The following CLK3 variants were observed in gnomAD, a reference collection of about 807,000 sequenced individuals.
The protein encoded by CLK3 is dual specificity protein kinase CLK3.
A neutral mutation model predicts 65.2 loss-of-function variants in CLK3; 24 were observed. The observed-to-expected ratio is 0.37, with a 90% CI of 0.27 to 0.52. The LOEUF is 0.52. CLK3 is among the 20% of genes least tolerant of loss of function. The pLI is 0.92. For synonymous variants in CLK3, 252 were observed against 240.8 expected, an observed-to-expected ratio of 1.05 and a Z score of -0.43; for missense variants, 506 against 660.0, an observed-to-expected ratio of 0.77 and a Z score of 2.56.
Position 74,629,895 on chromosome 15 carries a change from C to T in CLK3, c.*12C>T. The T allele has an allele frequency of 6.2e-7, 1 of 1,602,340 alleles. No individual in the cohort carries two copies. Among genetic ancestry groups the T allele is most frequent in the South Asian group, 1.1e-5 (1 of 89,374 alleles). Reference sequence around the variant, plus strand: ...ACCCAAGCAGATGACAGGCACAGGCCACCGCATGAGGAGATGGAGGGCGGG... The same window carrying T: ...ACCCAAGCAGATGACAGGCACAGGCTACCGCATGAGGAGATGGAGGGCGGG... On this transcript the variant is annotated 3_prime_UTR_variant, in exon 13 of 13. Transcript: ENST00000395066.
rs2062103983 is a variant in CLK3 at position 74,621,597 on chromosome 15, G to A, written c.370-523G>A. 2 of 231,922 alleles carry A rather than the reference G, an allele frequency of 8.6e-6. No homozygotes were observed. The highest frequency in any genetic ancestry group is 1.0e-4 in the South Asian group (2 of 19,188). The allele number at this position is 231,922 out of a possible 1,614,324, so 14.4% of individuals were successfully genotyped here. ...GAACAGAGGCAGGCAAGGACAGGCTGGGCATTCTGCAGCTGAAGCCGGAGC... is the reference window on the plus strand; with the variant it reads ...GAACAGAGGCAGGCAAGGACAGGCTAGGCATTCTGCAGCTGAAGCCGGAGC... On this transcript the variant is annotated intron_variant, in intron 3 of 12. Coordinates refer to ENST00000395066, the MANE Select transcript of CLK3 (RefSeq NM_001130028.2). This position sits in a 1 kb window ranked among gnomAD's most constrained non-coding sequence, Gnocchi z 4.8.
chr15:74,629,121 T>C, intron 12 of CLK3, 89 bp downstream of exon 12: 1 of 1,002,054 alleles, frequency 1.0e-6, no homozygotes, highest in Middle Eastern at 2.0e-4. Flanking sequence ...GCCAGGCCGC[T>C]AAAGGCTGCC....
At position 74,624,897 on chromosome 15, in the gene CLK3, A is replaced by G; in HGVS notation, c.534-5A>G. 1 of 1,597,518 alleles carries G rather than the reference A, an allele frequency of 6.3e-7. No homozygotes were observed. The highest frequency in any genetic ancestry group is 8.5e-7 in the Non-Finnish European group (1 of 1,170,710). Reference sequence around the variant, plus strand: ...GAGAACCTCTGTTTCCTTCCCGGGTACCAGAGGGAAGTCTCAGGTTGCCCT... The same window carrying G: ...GAGAACCTCTGTTTCCTTCCCGGGTGCCAGAGGGAAGTCTCAGGTTGCCCT... On this transcript the variant is annotated splice_region_variant and splice_polypyrimidine_tract_variant and intron_variant, in intron 5 of 12. Coordinates refer to ENST00000395066, the MANE Select transcript of CLK3 (RefSeq NM_001130028.2). The surrounding 1 kb of genome is among the most constrained non-coding windows in gnomAD (Gnocchi z 4.2).
chr15:74,618,064 C>G (rs1358225396), intron 1 of CLK3, among the ~76,000 whole-genome samples: 1 of 152,206 alleles, frequency 6.6e-6, no homozygotes, highest in African/African-American at 2.4e-5. Flanking sequence ...CTGTTCTATG[C>G]TGCTTTTCTC....
chr15:74,624,794 G>A lies in CLK3; in HGVS notation c.534-108G>A. On this transcript the variant is annotated intron_variant, in intron 5 of 12. Coordinates refer to ENST00000395066, the MANE Select transcript of CLK3 (RefSeq NM_001130028.2). This position sits in a 1 kb window ranked among gnomAD's most constrained non-coding sequence, Gnocchi z 4.2. ...TCCAGTATCTGCTCTCTTCAGTGCC[G>A]GCTGCTCCTGGAGTGGTGTTTGTTG... 2 of 777,538 alleles carry A rather than the reference G, an allele frequency of 2.6e-6. No individual in the cohort carries two copies. The highest frequency in any genetic ancestry group is 1.5e-5 in the South Asian group (1 of 66,414). 48.2% of individuals were successfully genotyped at this position (777,538 alleles called of 1,614,324 possible). A position where few individuals can be genotyped will look rare whatever the true frequency, so the allele number is the denominator to read the frequency against.
chr15:74,625,526 A>G (rs946008703), intron 6 of CLK3, among the ~76,000 whole-genome samples: 3 of 152,064 alleles, frequency 2.0e-5, no homozygotes, highest in Non-Finnish European at 4.4e-5. Flanking sequence ...CTTCCATATC[A>G]TAAGTAGGGA....
At position 74,622,623 on chromosome 15, in the gene CLK3, A is replaced by G. The variant is rs927990343; in HGVS notation, c.533+63A>G. The G allele has an allele frequency of 3.0e-6, 4 of 1,338,584 alleles. No individual in the cohort carries two copies. Among genetic ancestry groups the G allele is most frequent in the Admixed American group, 2.2e-5 (1 of 45,994 alleles). The allele number at this position is 1,338,584 out of a possible 1,614,324, so 82.9% of individuals were successfully genotyped here. On this transcript the variant is annotated intron_variant, in intron 5 of 12. Transcript: ENST00000395066. This position sits in a 1 kb window ranked among gnomAD's most constrained non-coding sequence, Gnocchi z 4.6. ...GATCTTCCTGGGAAGAGCTGGCCTG[A>G]GGTTCTTGAGGGTGGCAGCTATCAG...
intron 1 of CLK3, among the ~76,000 whole-genome samples, chr15:74,609,295 T>G (rs1194550624): frequency 6.6e-6 from 1 of 152,222 alleles, no homozygotes; most frequent in African/African-American, 2.4e-5. Context: ...CAGAGGCTTC[T>G]CTACACTCCA....
At chr15:74,611,951 G>C (rs541453619), upstream of CLK3, among the ~76,000 whole-genome samples, 54 of 152,342 alleles carry the variant, frequency 3.5e-4, no homozygotes, top group African/African-American at 1.2e-3. Context: ...GTCTCCTGGT[G>C]ATTGGAACTT....
At position 74,624,777 on chromosome 15, in the gene CLK3, C is replaced by G; in HGVS notation, c.534-125C>G. ...ATGGGGCAGGCTGGGCATCCAGTATCTGCTCTCTTCAGTGCCGGCTGCTCC... is the reference window on the plus strand; with the variant it reads ...ATGGGGCAGGCTGGGCATCCAGTATGTGCTCTCTTCAGTGCCGGCTGCTCC... On this transcript the variant is annotated intron_variant, in intron 5 of 12. Transcript: ENST00000395066. The surrounding 1 kb of genome is among the most constrained non-coding windows in gnomAD (Gnocchi z 4.2). 1 of 699,940 alleles carries G rather than the reference C, an allele frequency of 1.4e-6. No individual in the cohort carries two copies. 43.4% of individuals were successfully genotyped at this position (699,940 alleles called of 1,614,324 possible).
chr15:74,627,836 C>T lies in CLK3; in HGVS notation c.1043-134C>T. On this transcript the variant is annotated intron_variant, in intron 9 of 12. Transcript: ENST00000395066. The surrounding 1 kb of genome is among the most constrained non-coding windows in gnomAD (Gnocchi z 4.3). ...AGGTGACTGACCTGGCTTTATCTGT[C>T]AGCCTTACTGAGAGAGGGCCTCGTA... 8.3e-7 allele frequency: 1 copy of T among 1,208,004 alleles called. No individual in the cohort carries two copies. The highest frequency in any genetic ancestry group is 1.2e-6 in the Non-Finnish European group (1 of 829,310). 74.8% of individuals were successfully genotyped at this position (1,208,004 alleles called of 1,614,324 possible).
upstream of CLK3, among the ~76,000 whole-genome samples, chr15:74,611,505 C>T (rs887710006): frequency 4.6e-5 from 7 of 152,272 alleles, no homozygotes; most frequent in South Asian, 2.1e-4. Flanking sequence ...TGCCCGAAGA[C>T]GGCTTGCCAG....
At position 74,622,463 on chromosome 15, in the gene CLK3, A is replaced by C. The variant is rs760108594; in HGVS notation, c.467-31A>C. On this transcript the variant is annotated intron_variant, in intron 4 of 12. Transcript: ENST00000395066. The surrounding 1 kb of genome is among the most constrained non-coding windows in gnomAD (Gnocchi z 4.6). ...GAGCTGCCAACCCCCTGCCCTCCAGATTCTCATGCCCAATTTCTTTTCTCT... is the reference window on the plus strand; with the variant it reads ...GAGCTGCCAACCCCCTGCCCTCCAGCTTCTCATGCCCAATTTCTTTTCTCT... 39 of 1,568,922 alleles carry C rather than the reference A, an allele frequency of 2.5e-5. No individual in the cohort carries two copies. Among genetic ancestry groups the C allele is most frequent in the African/African-American group, 8.2e-5 (6 of 72,946 alleles).
chr15:74,626,834 C>T (rs1008148061), intron 7 of CLK3, among the ~76,000 whole-genome samples: 1 of 152,180 alleles, frequency 6.6e-6, no homozygotes, highest in African/African-American at 2.4e-5. Flanking sequence ...GGCTTGCCTG[C>T]TTATGACTAG....
chr15:74,628,580 T>C, intron 10 of CLK3, 24 bp from the exon 11 acceptor site: 1 of 1,590,010 alleles, frequency 6.3e-7, no homozygotes, highest in Non-Finnish European at 8.6e-7. Context: ...CTGACCCCCT[T>C]GCACTGTCCC....
chr15:74,625,190 C>T (rs1301393781), intron 6 of CLK3, among the ~76,000 whole-genome samples, 172 bp downstream of exon 6: 1 of 152,164 alleles, frequency 6.6e-6, no homozygotes, highest in East Asian at 1.9e-4. Context: ...AGTCTTCACC[C>T]CAGCTGTCTC....
intron 6 of CLK3, 88 bp from the exon 7 acceptor site, chr15:74,625,712 GGA>G: frequency 1.4e-6 from 2 of 1,417,758 alleles, no homozygotes; most frequent in Admixed American, 1.7e-5. Context: ...CGGTGGCCTA[GGA>G]GAGAGTTGGG....
Position 74,621,430 on chromosome 15 carries a change from C to T in CLK3, c.370-690C>T, listed in dbSNP as rs944184767. On this transcript the variant is annotated intron_variant, in intron 3 of 12. Coordinates refer to ENST00000395066, the MANE Select transcript of CLK3 (RefSeq NM_001130028.2). This position sits in a 1 kb window ranked among gnomAD's most constrained non-coding sequence, Gnocchi z 4.8. ...CAGAGGATCCCAGGCTGCTTTCCTT[C>T]TTGAGGCTGGTGGCAGGAGGGCTGC... 1.2e-5 allele frequency: 2 copies of T among 168,584 alleles called. No individual in the cohort carries two copies. The highest frequency in any genetic ancestry group is 2.4e-5 in the African/African-American group (1 of 41,748). 10.4% of individuals were successfully genotyped at this position (168,584 alleles called of 1,614,324 possible).
rs2062113915 is a variant in CLK3, at chr15:74,622,793, G to A, written c.533+233G>A. Among the ~76,000 whole-genome samples the A allele has an allele frequency of 6.6e-6, 1 of 152,228 alleles. No homozygotes were observed. On this transcript the variant is annotated intron_variant, in intron 5 of 12. Transcript: ENST00000395066. The surrounding 1 kb of genome is among the most constrained non-coding windows in gnomAD (Gnocchi z 4.6). Reference sequence around the variant, plus strand: ...ATCCCTACCCAAGAATTGTTGGTCAGTGAAAGGTTCTGCTCCAATCTCTTC... The same window carrying A: ...ATCCCTACCCAAGAATTGTTGGTCAATGAAAGGTTCTGCTCCAATCTCTTC...
Sources: allele counts gnomAD v4.1 joint callset (sites outside exome capture counted in the v4.1 genomes callset), GRCh38; gene constraint gnomAD v4.1.1; non-coding constraint Gnocchi (gnomAD v3.1); transcripts MANE v1.5; gene names NCBI Gene and HGNC (gene_info 2026-07-23, HGNC 2026-07-21).